The following LYSMD1 variants were observed in gnomAD, a reference collection of about 807,000 sequenced individuals.
LYSMD1 encodes the protein lysM and putative peptidoglycan-binding domain-containing protein 1.
LYSMD1 carries 9 observed loss-of-function variants against 19.3 expected under a neutral mutation model. That is an observed-to-expected ratio of 0.47 (90% CI 0.28 to 0.81). The LOEUF is 0.81. LYSMD1 is among the 40% of genes least tolerant of loss of function. LYSMD1 has a pLI of 0.11. For missense variants in LYSMD1, 262 were observed against 279.8 expected (o/e 0.94, Z 0.45); for synonymous variants, 111 against 111.7 (o/e 0.99, Z 0.04).
the LYSMD1 span, among the ~76,000 whole-genome samples, chr1:151,150,736 C>CTTTTTTTTTTTTTT: frequency 8.0e-6 from 1 of 125,128 alleles, no homozygotes; most frequent in Non-Finnish European, 1.6e-5. Context: ...CTTTTCTTTT[C>CTTTTTTTTTTTTTT]TTTTTTTTTT....
At chr1:151,163,366 C>T (rs1050987475) in intron 1 of LYSMD1, among the ~76,000 whole-genome samples, 4 of 152,086 alleles carry the variant, frequency 2.6e-5, no homozygotes, top group African/African-American at 9.7e-5. Flanking sequence ...CTTGCTGTCT[C>T]TGTATCCCCA....
At chr1:151,159,581 A>C (rs1159961058), downstream of LYSMD1, 1 of 296,992 alleles carries the variant, frequency 3.4e-6, no homozygotes, top group African/African-American at 2.2e-5. Flanking sequence ...AACCAAGGAA[A>C]GGAGGCACAG....
downstream of LYSMD1, chr1:151,156,521 G>T (rs1489917589): frequency 1.3e-5 from 2 of 152,112 alleles, no homozygotes; most frequent in Non-Finnish European, 2.9e-5. Flanking sequence ...CACTCTTTTT[G>T]ACCTTTGTCT....
the LYSMD1 span, among the ~76,000 whole-genome samples, chr1:151,151,323 G>A: frequency 2.0e-5 from 3 of 151,358 alleles, no homozygotes; most frequent in Admixed American, 6.6e-5. Context: ...CAGAGTAGCT[G>A]GGACTACAGG....
At chr1:151,152,012 G>A in the LYSMD1 span, among the ~76,000 whole-genome samples, 4 of 151,304 alleles carry the variant, frequency 2.6e-5, no homozygotes, top group African/African-American at 9.7e-5. Flanking sequence ...CATACAGTAA[G>A]TAGAGGAAGA....
chr1:151,154,490 G>A, the LYSMD1 span, among the ~76,000 whole-genome samples: 44,460 of 133,718 alleles, frequency 0.33, 9,934 homozygotes, highest in African/African-American at 0.64. Context: ...AAAAAAAAAA[G>A]AAAGAAAGAG....
At chr1:151,152,207 CT>C in the LYSMD1 span, among the ~76,000 whole-genome samples, 3 of 151,934 alleles carry the variant, frequency 2.0e-5, no homozygotes, top group South Asian at 6.2e-4. Context: ...ACCATCCTGG[CT>C]AACATGGTGA....
chr1:151,149,242 A>T, the LYSMD1 span, among the ~76,000 whole-genome samples: 2 of 151,940 alleles, frequency 1.3e-5, no homozygotes, highest in African/African-American at 2.4e-5. Context: ...AAATACAAAA[A>T]AAAATTAGCC....
At chr1:151,156,179 C>T (rs901947090), downstream of LYSMD1, among the ~76,000 whole-genome samples, 1 of 150,308 alleles carries the variant, frequency 6.7e-6, no homozygotes, top group Non-Finnish European at 1.5e-5. Context: ...GCTGTGCTGG[C>T]ACCTGCTGGT....
chr1:151,156,971 A>G (rs587679856), downstream of LYSMD1, among the ~76,000 whole-genome samples: 1 of 152,280 alleles, frequency 6.6e-6, no homozygotes, highest in African/African-American at 2.4e-5. Context: ...GCGAAATGCA[A>G]GGAAATCTTA....
chr1:151,159,194 A>G, downstream of LYSMD1: 1 of 1,614,206 alleles, frequency 6.2e-7, no homozygotes, highest in Non-Finnish European at 8.5e-7. Flanking sequence ...GACTTCACTC[A>G]GCACCTTGGC....
chr1:151,156,911 TG>T (rs1683241262), downstream of LYSMD1, among the ~76,000 whole-genome samples: 2 of 151,972 alleles, frequency 1.3e-5, no homozygotes, highest in African/African-American at 4.8e-5. Flanking sequence ...TTGGATGCGG[TG>T]GGGGCAGGGC....
intron 2 of LYSMD1, 48 bp downstream of exon 2, chr1:151,161,688 G>T: frequency 6.3e-7 from 1 of 1,579,416 alleles, no homozygotes; most frequent in Non-Finnish European, 8.5e-7. Context: ...AGACAGGAAT[G>T]ATGGAGGAGT....
At chr1:151,153,426 G>A in the LYSMD1 span, among the ~76,000 whole-genome samples, 2 of 152,046 alleles carry the variant, frequency 1.3e-5, no homozygotes, top group Non-Finnish European at 2.9e-5. Flanking sequence ...AGGTCGAGGT[G>A]GGTGGATCAC....
At chr1:151,154,666 A>C in the LYSMD1 span, among the ~76,000 whole-genome samples, 51 of 151,222 alleles carry the variant, frequency 3.4e-4, 1 homozygote, top group African/African-American at 1.2e-3. Flanking sequence ...CTTTTTTTGG[A>C]GACCGAGTCT....
chr1:151,150,487 C>T, the LYSMD1 span, among the ~76,000 whole-genome samples: 1 of 152,162 alleles, frequency 6.6e-6, no homozygotes, highest in East Asian at 1.9e-4. Flanking sequence ...CATCAGTCCA[C>T]TGAGATTGCT....
chr1:151,156,076 G>C (rs144495482), downstream of LYSMD1, among the ~76,000 whole-genome samples: 1 of 125,684 alleles, frequency 8.0e-6, no homozygotes, highest in South Asian at 2.5e-4. Context: ...CTCCAGCCTG[G>C]GCAACAAGAG....
chr1:151,165,623 C>A lies in LYSMD1; in HGVS notation c.-365G>T. ...CCAAGTAGCCTGGCCTCAGGGCGCT[C>A]CAACATCCCAGCTCTCCCCGGTCCC... On this transcript the variant is annotated 5_prime_UTR_variant, in exon 1 of 3. It introduces an in-frame stop codon into an upstream open reading frame of the 5' UTR. Coordinates refer to ENST00000368908, the MANE Select transcript of LYSMD1 (RefSeq NM_212551.5). The A allele has an allele frequency of 6.5e-7, 1 of 1,536,956 alleles. No individual in the cohort carries two copies. Among genetic ancestry groups the A allele is most frequent in the Non-Finnish European group, 8.8e-7 (1 of 1,142,586 alleles).
the LYSMD1 span, among the ~76,000 whole-genome samples, chr1:151,153,372 T>C: frequency 1.3e-5 from 2 of 151,866 alleles, no homozygotes; most frequent in African/African-American, 4.8e-5. Context: ...AAAAAATTTG[T>C]GGCCAGGCGC....
Sources: allele counts gnomAD v4.1 joint callset (sites outside exome capture counted in the v4.1 genomes callset), GRCh38; gene constraint gnomAD v4.1.1; transcripts MANE v1.5; gene names NCBI Gene and HGNC (gene_info 2026-07-23, HGNC 2026-07-21).